The following FKBP1B variants were observed in gnomAD, a reference collection of about 807,000 sequenced individuals.
FKBP1B encodes FKBP prolyl isomerase 1B.
FKBP1B carries 4 observed loss-of-function variants against 13.5 expected under a neutral mutation model. The observed-to-expected ratio is 0.30, with a 90% CI of 0.15 to 0.68. The LOEUF is 0.68. Ranked by LOEUF, FKBP1B falls within the 30% of genes least tolerant of loss-of-function variation. The pLI is 0.76. For synonymous variants in FKBP1B, 54 were observed against 53.6 expected (o/e 1.01, Z -0.03); for missense variants, 93 against 136.2 (o/e 0.68, Z 1.58).
chr2:24,038,098 C>T, the FKBP1B span: 1 of 1,614,172 alleles, frequency 6.2e-7, no homozygotes, highest in Admixed American at 1.7e-5. Context: ...TGGGGAAAGA[C>T]TTTCAATTAA....
the FKBP1B span, chr2:24,037,648 T>C: frequency 1.9e-6 from 3 of 1,576,712 alleles, no homozygotes; most frequent in South Asian, 3.5e-5. Context: ...CTTTTATGTA[T>C]AGTGGTAGTT....
At chr2:24,043,061 A>G in the FKBP1B span, among the ~76,000 whole-genome samples, 1 of 150,852 alleles carries the variant, frequency 6.6e-6, no homozygotes, top group Non-Finnish European at 1.5e-5. Flanking sequence ...TTACTGGGCC[A>G]GGTGGCTCAT....
intron 1 of FKBP1B, 68 bp from the exon 2 acceptor site, chr2:24,053,834 T>G: frequency 6.9e-7 from 1 of 1,459,728 alleles, no homozygotes. Flanking sequence ...TTGGTCAGGA[T>G]CATACTTAAT....
chr2:24,038,160 C>T, the FKBP1B span: 1 of 1,614,192 alleles, frequency 6.2e-7, no homozygotes. Flanking sequence ...AGTAGGTAGT[C>T]TGGCTTTCAC....
chr2:24,062,218 G>A (rs10184713), intron 3 of FKBP1B, among the ~76,000 whole-genome samples: 17,637 of 151,802 alleles, frequency 0.12, 1,225 homozygotes, highest in South Asian at 0.18. Flanking sequence ...TGTTGCCCAG[G>A]CTAGAGTGCA....
At chr2:24,038,090 G>T in the FKBP1B span, 1 of 1,614,114 alleles carries the variant, frequency 6.2e-7, no homozygotes, top group South Asian at 1.1e-5. Context: ...CAAAAATCTG[G>T]GGAAAGACTT....
At chr2:24,038,450 G>T in the FKBP1B span, 1 of 1,614,172 alleles carries the variant, frequency 6.2e-7, no homozygotes, top group Non-Finnish European at 8.5e-7. Flanking sequence ...TGGGCTTTAA[G>T]ATTAAATGCT....
At chr2:24,049,498 G>T, upstream of FKBP1B, 1 of 240,564 alleles carries the variant, frequency 4.2e-6, no homozygotes, top group Non-Finnish European at 8.0e-6. Flanking sequence ...CTAAATAAAT[G>T]TCTATTGGAC....
chr2:24,034,822 A>C, the FKBP1B span, among the ~76,000 whole-genome samples: 1 of 152,114 alleles, frequency 6.6e-6, no homozygotes, highest in East Asian at 1.9e-4. Context: ...TGATCTACCC[A>C]TCTCGGCCTC....
the FKBP1B span, among the ~76,000 whole-genome samples, chr2:24,036,697 G>A: frequency 3.3e-5 from 5 of 152,098 alleles, no homozygotes; most frequent in African/African-American, 1.2e-4. Context: ...AATCAACAAG[G>A]GAATGGCTAA....
chr2:24,049,589 G>T (rs1184486815), upstream of FKBP1B: 2 of 353,126 alleles, frequency 5.7e-6, no homozygotes, highest in African/African-American at 2.1e-5. Flanking sequence ...GTCGTCAGGC[G>T]GGGCCAGGCT....
At chr2:24,045,631 G>GAGAGAGAGGAAGGAAGGAAGGA (rs1553318652), upstream of FKBP1B, among the ~76,000 whole-genome samples, 1 of 106,134 alleles carries the variant, frequency 9.4e-6, no homozygotes, top group Admixed American at 9.3e-5. Context: ...GAGAGAGAGA[G>GAGAGAGAGGAAGGAAGGAAGGA]AGGAAGGAAG....
At chr2:24,035,785 A>G in the FKBP1B span, among the ~76,000 whole-genome samples, 2 of 151,830 alleles carry the variant, frequency 1.3e-5, no homozygotes, top group South Asian at 4.2e-4. Context: ...TTAAAAAAAA[A>G]TTAGGCCGGG....
At chr2:24,045,212 T>C (rs1172664968), upstream of FKBP1B, among the ~76,000 whole-genome samples, 3 of 152,178 alleles carry the variant, frequency 2.0e-5, no homozygotes, top group African/African-American at 7.2e-5. Flanking sequence ...CGATAGGATA[T>C]AAGTAGTGAG....
chr2:24,049,575 TAA>T (rs1451995985), upstream of FKBP1B: 2 of 341,100 alleles, frequency 5.9e-6, no homozygotes, highest in Non-Finnish European at 1.1e-5. Context: ...GTCAGTGGGT[TAA>T]TGTCGTCAGG....
chr2:24,057,977 A>C (rs971261037), intron 2 of FKBP1B, among the ~76,000 whole-genome samples: 1 of 151,918 alleles, frequency 6.6e-6, no homozygotes, highest in Non-Finnish European at 1.5e-5. Context: ...CAGGTGGATC[A>C]CCTGAGGTCA....
At chr2:24,060,095 G>A (rs1043353243) in intron 2 of FKBP1B, among the ~76,000 whole-genome samples, 3 of 149,968 alleles carry the variant, frequency 2.0e-5, no homozygotes, top group Non-Finnish European at 4.4e-5. Flanking sequence ...TTTTGAGCAG[G>A]GGAGTAATAG....
At chr2:24,052,773 C>T (rs1028400083) in intron 1 of FKBP1B, among the ~76,000 whole-genome samples, 1 of 151,976 alleles carries the variant, frequency 6.6e-6, no homozygotes, top group South Asian at 2.1e-4. Flanking sequence ...TCAAGGCCAA[C>T]CTGGACAACA....
the FKBP1B span, among the ~76,000 whole-genome samples, chr2:24,035,488 G>A: frequency 6.6e-6 from 1 of 151,910 alleles, no homozygotes; most frequent in Non-Finnish European, 1.5e-5. Flanking sequence ...ATACAGTTTT[G>A]CTTTTTAAAC....
Sources: gnomAD v4.1 joint callset for allele counts (sites outside exome capture counted in the v4.1 genomes callset) on GRCh38, gnomAD v4.1.1 for gene constraint, MANE v1.5 for transcripts, NCBI Gene and HGNC (gene_info 2026-07-23, HGNC 2026-07-21) for gene names.